The following LRRC8C variants were observed in gnomAD, a reference collection of about 807,000 sequenced individuals.
LRRC8C encodes the protein volume-regulated anion channel subunit LRRC8C.
In LRRC8C, 20 loss-of-function variants were observed where a neutral mutation model predicts 55.3. The observed-to-expected ratio is 0.36, with a 90% CI of 0.25 to 0.53. LRRC8C has a LOEUF of 0.53. LRRC8C is among the 20% of genes least tolerant of loss of function. LRRC8C has a pLI of 0.92. For synonymous variants in LRRC8C, 376 were observed against 360.7 expected (o/e 1.04, Z -0.48); for missense variants, 659 against 951.4 (o/e 0.69, Z 4.04).
rs1234811465 is a variant in LRRC8C at position 89,692,590 on chromosome 1, A to G, written c.138+5979A>G. On this transcript the variant is annotated intron_variant, in intron 2 of 2. Coordinates refer to ENST00000370454, the MANE Select transcript of LRRC8C (RefSeq NM_032270.5). ...TTACTTGTCTGACAAATATTTATTCATTTCTGAGCAAGTAGCTCTTTTCAA... is the reference window on the plus strand; with the variant it reads ...TTACTTGTCTGACAAATATTTATTCGTTTCTGAGCAAGTAGCTCTTTTCAA... Among the ~76,000 whole-genome samples the G allele has an allele frequency of 2.6e-5, 4 of 152,210 alleles. 1 individual carries two copies. The Middle Eastern group carries it at 9.5e-3, about 361-fold the overall frequency.
intron 1 of LRRC8C, among the ~76,000 whole-genome samples, chr1:89,658,658 T>G (rs1331420758): frequency 6.6e-6 from 1 of 152,210 alleles, no homozygotes; most frequent in East Asian, 1.9e-4. Flanking sequence ...ACTACACAAT[T>G]GATATAAAAT....
chr1:89,694,900 C>T (rs1365711895), intron 2 of LRRC8C, among the ~76,000 whole-genome samples: 2 of 149,278 alleles, frequency 1.3e-5, no homozygotes, highest in Admixed American at 1.3e-4. Flanking sequence ...ATAGCACTTC[C>T]TGTTTCTAAT....
chr1:89,707,291 C>A (rs1658509246), intron 2 of LRRC8C, among the ~76,000 whole-genome samples: 1 of 152,064 alleles, frequency 6.6e-6, no homozygotes, highest in Non-Finnish European at 1.5e-5. Context: ...CCTGTAGTCC[C>A]AGCTACTTGG....
chr1:89,696,975 A>T (rs989829005), intron 2 of LRRC8C, among the ~76,000 whole-genome samples: 3 of 152,220 alleles, frequency 2.0e-5, no homozygotes, highest in African/African-American at 7.2e-5. Context: ...TATGGAATCC[A>T]AATAATCTTA....
chr1:89,664,235 G>A lies in LRRC8C; in HGVS notation c.-4-22235G>A, dbSNP rs190963813. Among the ~76,000 whole-genome samples the A allele has an allele frequency of 2.8e-3, 431 of 152,246 alleles. 1 individual carries two copies. The highest frequency in any genetic ancestry group is 5.0e-3 in the Non-Finnish European group (341 of 68,016). The stretch of plus-strand genomic sequence containing the variant: ...TTTGCCCATGCCTATGTCCTGAATG[G>A]TATTGTCTAGATTTTCTTCTAGGGT... On this transcript the variant is annotated intron_variant, in intron 1 of 2. Coordinates refer to ENST00000370454, the MANE Select transcript of LRRC8C (RefSeq NM_032270.5).
chr1:89,685,101 CTTTTTTTTT>C (rs11316114), intron 1 of LRRC8C, among the ~76,000 whole-genome samples: 3 of 76,164 alleles, frequency 3.9e-5, no homozygotes, highest in African/African-American at 1.0e-4. Context: ...CTATCTAGTT[CTTTTTTTTT>C]TTTTTTTTTT....
At chr1:89,637,532 A>C (rs1656324462) in intron 1 of LRRC8C, among the ~76,000 whole-genome samples, 2 of 151,914 alleles carry the variant, frequency 1.3e-5, no homozygotes, top group Admixed American at 1.3e-4. Flanking sequence ...GCATAACTAT[A>C]ATACCTTATG....
At chr1:89,622,989 T>C in the LRRC8C span, among the ~76,000 whole-genome samples, 1 of 152,194 alleles carries the variant, frequency 6.6e-6, no homozygotes, top group Non-Finnish European at 1.5e-5. Flanking sequence ...TAAAGAATAT[T>C]CGAGACACTT....
intron 1 of LRRC8C, among the ~76,000 whole-genome samples, chr1:89,686,140 G>T (rs535668331): frequency 1.3e-5 from 2 of 152,166 alleles, no homozygotes; most frequent in Admixed American, 6.5e-5. Context: ...AGTCTTTCTG[G>T]CATCTTCATG....
chr1:89,681,032 G>T (rs189561596), intron 1 of LRRC8C, among the ~76,000 whole-genome samples: 1 of 152,262 alleles, frequency 6.6e-6, no homozygotes, highest in Non-Finnish European at 1.5e-5. Context: ...ATCCTTTGTA[G>T]CAAGTTGAAA....
intron 2 of LRRC8C, among the ~76,000 whole-genome samples, chr1:89,701,979 T>C (rs753898648): frequency 1.6e-4 from 25 of 152,084 alleles, no homozygotes; most frequent in Non-Finnish European, 3.2e-4. Context: ...GCCTGGTCAC[T>C]GTTTCAAGCC....
intron 1 of LRRC8C, among the ~76,000 whole-genome samples, chr1:89,679,410 C>T (rs138377455): frequency 2.1e-4 from 32 of 152,026 alleles, no homozygotes; most frequent in Middle Eastern, 3.4e-3. Flanking sequence ...AAAAATTAGC[C>T]GGGCGTGGTG....
At position 89,713,245 on chromosome 1, in the gene LRRC8C, C is replaced by T. The variant is rs1300342501; in HGVS notation, c.675C>T (p.Ser225=). The change falls in exon 3 of 3, where the codon TCC becomes TCT. Residue 225 remains serine (S), a synonymous_variant. Coordinates refer to ENST00000370454, the MANE Select transcript of LRRC8C (RefSeq NM_032270.5). This position sits in a 1 kb window ranked among gnomAD's most constrained non-coding sequence, Gnocchi z 5.2. Reference sequence around the variant, plus strand: ...CTGAGAAGTTTGTAGTTGATAAATCCACTGCAGGGGCTCTGGATAAAAAGG... The same window carrying T: ...CTGAGAAGTTTGTAGTTGATAAATCTACTGCAGGGGCTCTGGATAAAAAGG... ...SIPEKFVVDK[S]TAGALDKKEG... 1.2e-6 allele frequency: 2 copies of T among 1,613,994 alleles called. No homozygotes were observed. The highest frequency in any genetic ancestry group is 3.3e-5 in the Admixed American group (2 of 60,000).
At chr1:89,636,197 A>C (rs1656277350) in intron 1 of LRRC8C, among the ~76,000 whole-genome samples, 1 of 152,242 alleles carries the variant, frequency 6.6e-6, no homozygotes, top group Non-Finnish European at 1.5e-5. Flanking sequence ...GTAATAGTGC[A>C]TGTAAAGGAC....
rs570909326 is a variant in LRRC8C at position 89,701,523 on chromosome 1, T to G, written c.139-11186T>G. 6.6e-5 allele frequency among the ~76,000 whole-genome samples: 10 copies of G among 152,058 alleles called. No individual in the cohort carries two copies. In the South Asian group the frequency reaches 2.1e-3, roughly 32 times the overall value. On this transcript the variant is annotated intron_variant, in intron 2 of 2. Transcript: ENST00000370454. The stretch of plus-strand genomic sequence containing the variant: ...GAAAGAAAAAGAACAATGGACTTTA[T>G]TGTCGAGGATATAGGAAAGTAAGTA...
intron 1 of LRRC8C, among the ~76,000 whole-genome samples, chr1:89,647,648 A>G (rs1488300698): frequency 6.6e-6 from 1 of 152,202 alleles, no homozygotes; most frequent in East Asian, 1.9e-4. Context: ...ATTTATTTCT[A>G]GAAAAGGCCA....
chr1:89,667,806 A>C (rs1657313608), intron 1 of LRRC8C, among the ~76,000 whole-genome samples: 1 of 152,178 alleles, frequency 6.6e-6, no homozygotes, highest in African/African-American at 2.4e-5. Flanking sequence ...TGGGTTAGAA[A>C]GAGACTTTAG....
intron 1 of LRRC8C, among the ~76,000 whole-genome samples, chr1:89,660,422 G>A (rs552869491): frequency 7.2e-5 from 11 of 152,216 alleles, no homozygotes; most frequent in Admixed American, 3.3e-4. Flanking sequence ...CCACCCCAGC[G>A]GTTCTGATTT....
intron 1 of LRRC8C, among the ~76,000 whole-genome samples, chr1:89,673,203 A>T (rs553734268): frequency 3.3e-5 from 5 of 152,224 alleles, no homozygotes; most frequent in African/African-American, 1.2e-4. Context: ...TAATATATTT[A>T]AACCTCCCAA....
Sources: gnomAD v4.1 joint callset for allele counts (sites outside exome capture counted in the v4.1 genomes callset) on GRCh38, gnomAD v4.1.1 for gene constraint, Gnocchi (gnomAD v3.1) non-coding constraint, MANE v1.5 for transcripts, NCBI Gene and HGNC (gene_info 2026-07-23, HGNC 2026-07-21) for gene names.